The following EFEMP1 variants were observed in gnomAD, a reference collection of about 807,000 sequenced individuals.
The protein encoded by EFEMP1 is EGF-containing fibulin-like extracellular matrix protein 1.
A neutral mutation model predicts 65.7 loss-of-function variants in EFEMP1; 18 were observed. The observed-to-expected ratio is 0.27, with a 90% confidence interval of 0.19 to 0.41. The LOEUF is 0.41. Ranked by LOEUF, EFEMP1 falls within the 10% of genes least tolerant of loss-of-function variation. The pLI is 1.00. For synonymous variants in EFEMP1, 237 were observed against 219.7 expected (o/e 1.08, Z -0.70); for missense variants, 469 against 624.8 (o/e 0.75, Z 2.66).
chr2:55,913,532 G>T (rs377136017), intron 5 of EFEMP1, among the ~76,000 whole-genome samples: 1 of 151,818 alleles, frequency 6.6e-6, no homozygotes, highest in African/African-American at 2.4e-5. Flanking sequence ...TTTTTTTAAA[G>T]TTCAATTAAA....
At chr2:55,897,313 T>G (rs1278570309) in intron 5 of EFEMP1, among the ~76,000 whole-genome samples, 1 of 152,210 alleles carries the variant, frequency 6.6e-6, no homozygotes, top group African/African-American at 2.4e-5. Context: ...AGTCTGGGGT[T>G]TTGTGCTATC....
intron 3 of EFEMP1, among the ~76,000 whole-genome samples, chr2:55,920,535 G>T (rs1041062364): frequency 1.9e-4 from 29 of 152,212 alleles, no homozygotes; most frequent in African/African-American, 7.0e-4. Flanking sequence ...ATGTGGATAC[G>T]AGCCCATTCT....
rs983224309 is a variant in EFEMP1 at position 55,867,026 on chromosome 2, A to G, written c.*47T>C. ...AATAAAATAGTGCTTTAAGGTAACA[A>G]TATTCTTTGGCTGACTTAAATGCCT... On this transcript the variant is annotated 3_prime_UTR_variant, in exon 12 of 12. Coordinates refer to ENST00000355426, the MANE Select transcript of EFEMP1 (RefSeq NM_001039348.3). This position sits in a 1 kb window ranked among gnomAD's most constrained non-coding sequence, Gnocchi z 4.3. 5.0e-6 allele frequency: 8 copies of G among 1,609,380 alleles called. No homozygotes were observed. The highest frequency in any genetic ancestry group is 2.7e-5 in the African/African-American group (2 of 74,782).
In EFEMP1 at chr2:55,923,363, G is replaced by T. The variant is rs1572858003; in HGVS notation, c.-49+348C>A. Among the ~76,000 whole-genome samples, 1 of 152,256 alleles carries T rather than the reference G, an allele frequency of 6.6e-6. No homozygotes were observed. Among genetic ancestry groups the T allele is most frequent in the East Asian group, 1.9e-4 (1 of 5,156 alleles). ...CGCGGCGGTCCCCTGGAGCTGCTCAGCGTCCCAGCTTCTAACCAGCTCCTA... is the reference window on the plus strand; with the variant it reads ...CGCGGCGGTCCCCTGGAGCTGCTCATCGTCCCAGCTTCTAACCAGCTCCTA... On this transcript the variant is annotated intron_variant, in intron 1 of 11. Coordinates refer to ENST00000355426, the MANE Select transcript of EFEMP1 (RefSeq NM_001039348.3). This position sits in a 1 kb window ranked among gnomAD's most constrained non-coding sequence, Gnocchi z 5.3.
At chr2:55,880,943 G>T (rs1354803433) in intron 6 of EFEMP1, among the ~76,000 whole-genome samples, 1 of 152,180 alleles carries the variant, frequency 6.6e-6, no homozygotes, top group African/African-American at 2.4e-5. Flanking sequence ...ACGCTCTTAG[G>T]CCCTCCAGCA....
chr2:55,920,470 A>C (rs1670874478), intron 3 of EFEMP1, among the ~76,000 whole-genome samples: 1 of 152,246 alleles, frequency 6.6e-6, no homozygotes, highest in South Asian at 2.1e-4. Context: ...ATAGTTGTTG[A>C]GTAAACAGCT....
intron 5 of EFEMP1, among the ~76,000 whole-genome samples, chr2:55,914,587 A>G (rs3791656): frequency 0.065 from 9,886 of 152,288 alleles, 448 homozygotes; most frequent in East Asian, 0.23. Context: ...AGACTGAAAC[A>G]CAGTACAGAT....
At chr2:55,896,529 C>A (rs1669836993) in intron 5 of EFEMP1, among the ~76,000 whole-genome samples, 1 of 152,134 alleles carries the variant, frequency 6.6e-6, no homozygotes, top group African/African-American at 2.4e-5. Context: ...AAATATTTTC[C>A]CTACTCCTTA....
chr2:55,883,197 C>T lies in EFEMP1; in HGVS notation c.518-1463G>A, dbSNP rs942829403. Among the ~76,000 whole-genome samples the T allele has an allele frequency of 2.0e-4, 30 of 152,198 alleles. No homozygotes were observed. Among genetic ancestry groups the T allele is most frequent in the Admixed American group, 5.2e-4 (8 of 15,296 alleles). ...TAATAATCTATAAAGCATCCACTTACGTAATTCTTTGAACTTGGTTTTAAA... is the reference window on the plus strand; with the variant it reads ...TAATAATCTATAAAGCATCCACTTATGTAATTCTTTGAACTTGGTTTTAAA... On this transcript the variant is annotated intron_variant, in intron 5 of 11. Transcript: ENST00000355426. The surrounding 1 kb of genome is among the most constrained non-coding windows in gnomAD (Gnocchi z 4.5).
intron 5 of EFEMP1, among the ~76,000 whole-genome samples, chr2:55,902,295 G>T (rs370694601): frequency 6.6e-6 from 1 of 151,914 alleles, no homozygotes; most frequent in African/African-American, 2.4e-5. Flanking sequence ...TGAGTTGGAG[G>T]CTGAAAGAAA....
rs1314717910 is a variant in EFEMP1, at chr2:55,883,614, G to A, written c.518-1880C>T. 6.6e-6 allele frequency among the ~76,000 whole-genome samples: 1 copy of A among 152,154 alleles called. No homozygotes were observed. The highest frequency in any genetic ancestry group is 2.4e-5 in the African/African-American group (1 of 41,432). ...TGGGCTGGCTGCTGCATTTTCTAAG[G>A]GAGGCCTCAGCAGTGACTGAGGCTT... is the stretch of plus-strand genomic sequence containing the variant. On this transcript the variant is annotated intron_variant, in intron 5 of 11. Transcript: ENST00000355426. This position sits in a 1 kb window ranked among gnomAD's most constrained non-coding sequence, Gnocchi z 4.5.
At position 55,923,492 on chromosome 2, in the gene EFEMP1, T is replaced by A. The variant is rs1490387581; in HGVS notation, c.-49+219A>T. Among the ~76,000 whole-genome samples the A allele has an allele frequency of 1.3e-5, 2 of 152,134 alleles. No homozygotes were observed. The highest frequency in any genetic ancestry group is 4.8e-5 in the African/African-American group (2 of 41,442). On this transcript the variant is annotated intron_variant, in intron 1 of 11. Coordinates refer to ENST00000355426, the MANE Select transcript of EFEMP1 (RefSeq NM_001039348.3). This position sits in a 1 kb window ranked among gnomAD's most constrained non-coding sequence, Gnocchi z 5.3. ...GGCTGGTTGTCGGCGCGCACACACATGCCCATCCCAACAGATGTCACCCGA... is the reference window on the plus strand; with the variant it reads ...GGCTGGTTGTCGGCGCGCACACACAAGCCCATCCCAACAGATGTCACCCGA...
chr2:55,869,721 G>A (rs993461942), intron 11 of EFEMP1, among the ~76,000 whole-genome samples: 1 of 152,104 alleles, frequency 6.6e-6, no homozygotes, highest in African/African-American at 2.4e-5. Flanking sequence ...AATAAAGAGT[G>A]CCCAAAGGAG....
chr2:55,895,932 C>G (rs935735872), intron 5 of EFEMP1, among the ~76,000 whole-genome samples: 1 of 152,132 alleles, frequency 6.6e-6, no homozygotes, highest in African/African-American at 2.4e-5. Flanking sequence ...TCACCTCATC[C>G]TTAATTAAAG....
intron 5 of EFEMP1, among the ~76,000 whole-genome samples, chr2:55,912,751 T>C (rs1189457184): frequency 6.6e-6 from 1 of 152,148 alleles, no homozygotes; most frequent in Non-Finnish European, 1.5e-5. Flanking sequence ...AATAAAATGA[T>C]TGAAAATATA....
chr2:55,908,362 T>C (rs4233964), intron 5 of EFEMP1, among the ~76,000 whole-genome samples: 15,805 of 152,164 alleles, frequency 0.1, 896 homozygotes, highest in Non-Finnish European at 0.11. Context: ...CAGCATGATC[T>C]CACTTAAATG....
At chr2:55,911,890 T>A (rs1369301642) in intron 5 of EFEMP1, among the ~76,000 whole-genome samples, 1 of 152,244 alleles carries the variant, frequency 6.6e-6, no homozygotes, top group African/African-American at 2.4e-5. Context: ...GAAAATGACA[T>A]AAATTGACTA....
chr2:55,866,820 G>T lies in EFEMP1; in HGVS notation c.*253C>A. On this transcript the variant is annotated 3_prime_UTR_variant, in exon 12 of 12. Transcript: ENST00000355426. Reference sequence around the variant, plus strand: ...GAAAGAATCCAAGTTTCACCAGATAGTGTATACTTAGCTCTCTTGAAGAAG... The same window carrying T: ...GAAAGAATCCAAGTTTCACCAGATATTGTATACTTAGCTCTCTTGAAGAAG... 1 of 447,990 alleles carries T rather than the reference G, an allele frequency of 2.2e-6. No individual in the cohort carries two copies. Among genetic ancestry groups the T allele is most frequent in the Non-Finnish European group, 4.1e-6 (1 of 245,942 alleles). The allele number at this position is 447,990 out of a possible 1,614,324, so 27.8% of individuals were successfully genotyped here. A position where few individuals can be genotyped will look rare whatever the true frequency, so the allele number is the denominator to read the frequency against.
chr2:55,892,265 GT>G (rs1231355422), intron 5 of EFEMP1, among the ~76,000 whole-genome samples: 4 of 152,096 alleles, frequency 2.6e-5, no homozygotes, highest in African/African-American at 9.7e-5. Flanking sequence ...TCTGAGATCT[GT>G]TTCATTTTTA....
Sources: gnomAD v4.1 joint callset for allele counts (sites outside exome capture counted in the v4.1 genomes callset) on GRCh38, gnomAD v4.1.1 for gene constraint, Gnocchi (gnomAD v3.1) non-coding constraint, MANE v1.5 for transcripts, NCBI Gene and HGNC (gene_info 2026-07-23, HGNC 2026-07-21) for gene names.